The following CDC42BPA variants were observed in gnomAD, a reference collection of about 807,000 sequenced individuals.
CDC42BPA encodes the protein CDC42 binding protein kinase alpha.
Under a neutral mutation model 223.5 loss-of-function variants are expected in CDC42BPA, and 80 were observed. The observed-to-expected ratio is 0.36, with a 90% CI of 0.30 to 0.43. CDC42BPA has a LOEUF of 0.43. Ranked by LOEUF, CDC42BPA falls within the 20% of genes least tolerant of loss-of-function variation. CDC42BPA has a pLI of 1.00. For synonymous variants in CDC42BPA, 694 were observed against 718.6 expected (o/e 0.97, Z 0.55); for missense variants, 1,743 against 2,099.9 (o/e 0.83, Z 3.32).
At chr1:227,100,335 A>G (rs1338492402) in intron 15 of CDC42BPA, among the ~76,000 whole-genome samples, 1 of 152,160 alleles carries the variant, frequency 6.6e-6, no homozygotes, top group Non-Finnish European at 1.5e-5. Flanking sequence ...AAATGTAAAT[A>G]TAATCATGTC....
intron 2 of CDC42BPA, among the ~76,000 whole-genome samples, chr1:227,228,844 C>A (rs1387348543): frequency 1.3e-5 from 2 of 152,130 alleles, no homozygotes; most frequent in African/African-American, 4.8e-5. Flanking sequence ...AAACAGCTAT[C>A]CAAATCACTC....
At chr1:227,157,028 T>G (rs997977659) in intron 6 of CDC42BPA, among the ~76,000 whole-genome samples, 1 of 152,224 alleles carries the variant, frequency 6.6e-6, no homozygotes, top group African/African-American at 2.4e-5. Flanking sequence ...AGCAGTATAA[T>G]TCCATATACA....
At chr1:227,149,027 C>T (rs1661243254) in intron 6 of CDC42BPA, among the ~76,000 whole-genome samples, 1 of 151,866 alleles carries the variant, frequency 6.6e-6, no homozygotes. Context: ...AAGAAAAGAC[C>T]TTATCCTTAG....
At chr1:227,287,515 G>T (rs917528820) in intron 1 of CDC42BPA, among the ~76,000 whole-genome samples, 2 of 152,092 alleles carry the variant, frequency 1.3e-5, no homozygotes, top group African/African-American at 4.8e-5. Flanking sequence ...CTCTTCACAA[G>T]TAAAGTTTTA....
intron 23 of CDC42BPA, among the ~76,000 whole-genome samples, chr1:227,041,398 A>AAT (rs2148769854): frequency 6.6e-6 from 1 of 152,122 alleles, no homozygotes; most frequent in South Asian, 2.1e-4. Flanking sequence ...TTCTCTTGTA[A>AAT]ATGTGTGATT....
intron 28 of CDC42BPA, 118 bp from the exon 29 acceptor site, chr1:227,030,588 G>A: frequency 1.7e-6 from 1 of 594,232 alleles, no homozygotes; most frequent in South Asian, 2.4e-5. Flanking sequence ...TACAATAACA[G>A]TTTACACTAT....
In CDC42BPA at chr1:227,039,426, A is replaced by AT. The variant is rs777463199; in HGVS notation, c.3199+704dup. Reference sequence around the variant, plus strand: ...GTGTTGTAATGACAAATTTCATTTGATTTTTTAAAAAAGTATTCTTCTGAA... The same window carrying AT: ...GTGTTGTAATGACAAATTTCATTTGATTTTTTTAAAAAAGTATTCTTCTGAA... On this transcript the variant is annotated intron_variant, in intron 24 of 36. Transcript: ENST00000366766. Among the ~76,000 whole-genome samples the AT allele has an allele frequency of 2.0e-5, 3 of 152,280 alleles. No homozygotes were observed. The East Asian group carries it at 5.8e-4, about 29-fold the overall frequency.
At chr1:227,125,655 C>G (rs1689455414) in intron 11 of CDC42BPA, among the ~76,000 whole-genome samples, 1 of 151,132 alleles carries the variant, frequency 6.6e-6, no homozygotes, top group African/African-American at 2.4e-5. Context: ...GACATTAACC[C>G]TCACTGGCTG....
chr1:227,254,285 C>T, intron 1 of CDC42BPA, 130 bp from the exon 2 acceptor site: 1 of 553,084 alleles, frequency 1.8e-6, no homozygotes, highest in South Asian at 2.5e-5. Context: ...ATTTAAAAAT[C>T]CCAAACTATA....
intron 8 of CDC42BPA, 32 bp from the exon 9 acceptor site, chr1:227,143,056 A>T: frequency 1.4e-6 from 2 of 1,404,320 alleles, no homozygotes; most frequent in Non-Finnish European, 1.9e-6. Context: ...GGTAAGAAAT[A>T]GATAGCTATA....
intron 14 of CDC42BPA, among the ~76,000 whole-genome samples, chr1:227,108,409 G>GTTTT (rs79626494): frequency 1.3e-5 from 2 of 149,606 alleles, no homozygotes; most frequent in African/African-American, 4.9e-5. Context: ...AGCATTCCAG[G>GTTTT]TTTTTTTTTT....
At chr1:227,074,115 C>T in intron 18 of CDC42BPA, 103 bp from the exon 19 acceptor site, 3 of 1,417,434 alleles carry the variant, frequency 2.1e-6, no homozygotes, top group Non-Finnish European at 2.9e-6. Context: ...GGAAAAGACC[C>T]AAACTAATAG....
At chr1:227,062,237 C>A (rs1404713599) in intron 21 of CDC42BPA, among the ~76,000 whole-genome samples, 1 of 152,182 alleles carries the variant, frequency 6.6e-6, no homozygotes, top group Admixed American at 6.5e-5. Flanking sequence ...TCCCGTAACT[C>A]CCTGCTCCCT....
chr1:227,141,064 G>A (rs961660015), intron 9 of CDC42BPA, among the ~76,000 whole-genome samples: 13 of 152,296 alleles, frequency 8.5e-5, no homozygotes, highest in Middle Eastern at 3.4e-3. Flanking sequence ...AAAGTATGGA[G>A]CTGTGGCAAA....
At chr1:227,268,677 T>TAC (rs748101682) in intron 1 of CDC42BPA, among the ~76,000 whole-genome samples, 6 of 144,344 alleles carry the variant, frequency 4.2e-5, no homozygotes, top group East Asian at 2.0e-4. Context: ...CATATATATA[T>TAC]ATACACACAC....
At chr1:227,031,209 C>T in intron 28 of CDC42BPA, 89 bp downstream of exon 28, 1 of 960,944 alleles carries the variant, frequency 1.0e-6, no homozygotes, top group South Asian at 1.5e-5. Flanking sequence ...ATGTTGGACA[C>T]TGGGGATTCC....
At chr1:227,185,865 G>T (rs1668695799) in intron 5 of CDC42BPA, among the ~76,000 whole-genome samples, 2 of 151,958 alleles carry the variant, frequency 1.3e-5, no homozygotes, top group Middle Eastern at 3.4e-3. Flanking sequence ...AAAAGATTAT[G>T]GGGAGACTTC....
intron 11 of CDC42BPA, among the ~76,000 whole-genome samples, chr1:227,122,434 G>T (rs532961641): frequency 6.6e-6 from 1 of 152,142 alleles, no homozygotes; most frequent in Admixed American, 6.5e-5. Flanking sequence ...TGTAACAGAT[G>T]ATATCACAGG....
chr1:227,035,005 A>G (rs1291584441), intron 25 of CDC42BPA, among the ~76,000 whole-genome samples: 1 of 152,214 alleles, frequency 6.6e-6, no homozygotes, highest in Non-Finnish European at 1.5e-5. Flanking sequence ...ATGACTTTTT[A>G]TTCTGAGAAA....
Sources: allele counts gnomAD v4.1 joint callset (sites outside exome capture counted in the v4.1 genomes callset), GRCh38; gene constraint gnomAD v4.1.1; transcripts MANE v1.5; gene names NCBI Gene and HGNC (gene_info 2026-07-23, HGNC 2026-07-21).